Variants in RIMKLB observed in about 807,000 individuals in gnomAD.
RIMKLB encodes the protein beta-citrylglutamate synthase B.
Under a neutral mutation model 32.0 loss-of-function variants are expected in RIMKLB, and 7 were observed. The ratio of observed to expected loss-of-function variants is 0.22; its 90% CI spans 0.12 to 0.41. The LOEUF (loss-of-function observed/expected upper bound fraction) is 0.41, where lower values mean the gene tolerates loss of function less well. Among genes scored for constraint, RIMKLB ranks in the 10% least tolerant of loss-of-function variants. The pLI is 1.00. For missense variants in RIMKLB, 289 were observed against 498.7 expected (o/e 0.58, Z 4.00); for synonymous variants, 172 against 185.1 (o/e 0.93, Z 0.57).
At chr12:8,739,982 C>A (rs1465499143) in intron 2 of RIMKLB, among the ~76,000 whole-genome samples, 1 of 152,154 alleles carries the variant, frequency 6.6e-6, no homozygotes, top group Admixed American at 6.5e-5. Context: ...AATCTCAGCT[C>A]ACAGCAACCT....
At chr12:8,742,370 C>T (rs1488658743) in intron 2 of RIMKLB, 1 of 222,122 alleles carries the variant, frequency 4.5e-6, no homozygotes, top group Non-Finnish European at 8.8e-6. Flanking sequence ...TCTACGCTAC[C>T]TAGAGAGGGA....
At chr12:8,727,606 T>A (rs1946148635) in intron 2 of RIMKLB, among the ~76,000 whole-genome samples, 1 of 152,188 alleles carries the variant, frequency 6.6e-6, no homozygotes, top group African/African-American at 2.4e-5. Context: ...CAAATGCAGA[T>A]CAAACATCTA....
At chr12:8,758,994 T>G (rs1198597599) in intron 5 of RIMKLB, among the ~76,000 whole-genome samples, 1 of 152,220 alleles carries the variant, frequency 6.6e-6, no homozygotes, top group Non-Finnish European at 1.5e-5. Flanking sequence ...TTTACTATTG[T>G]GAGCAATAAT....
rs1474278282 is a variant in RIMKLB, at chr12:8,721,110, A to T, written c.175+7069A>T. The stretch of plus-strand genomic sequence containing the variant: ...TTAATTGTAATGTGTTTTGATGAAG[A>T]TCTCTTTATAGGCACACCTTGGAGA... On this transcript the variant is annotated intron_variant, in intron 2 of 5. Coordinates refer to ENST00000535829, the MANE Select transcript of RIMKLB (RefSeq NM_001297776.2). 2.0e-5 allele frequency among the ~76,000 whole-genome samples: 3 copies of T among 152,184 alleles called. No individual in the cohort carries two copies. In the East Asian group the frequency reaches 5.8e-4, roughly 29 times the overall value.
chr12:8,773,195 T>C (rs1950540719), intron 5 of RIMKLB, 126 bp from the exon 6 acceptor site: 1 of 666,546 alleles, frequency 1.5e-6, no homozygotes, highest in East Asian at 2.6e-5. Flanking sequence ...GTCCTAATTT[T>C]ACACTAGAAT....
intron 2 of RIMKLB, chr12:8,742,685 C>T: frequency 4.5e-6 from 1 of 223,386 alleles, no homozygotes; most frequent in Non-Finnish European, 8.9e-6. Flanking sequence ...TGCTGGCTGG[C>T]AGCCTGTGCT....
intron 4 of RIMKLB, among the ~76,000 whole-genome samples, chr12:8,752,527 G>A (rs141810702): frequency 6.6e-6 from 1 of 152,200 alleles, no homozygotes; most frequent in African/African-American, 2.4e-5. Flanking sequence ...ACTCCAACCT[G>A]GTCGATAGAG....
At chr12:8,726,587 T>C (rs974142291) in intron 2 of RIMKLB, among the ~76,000 whole-genome samples, 1 of 152,154 alleles carries the variant, frequency 6.6e-6, no homozygotes, top group Non-Finnish European at 1.5e-5. Flanking sequence ...ATCCATTTGC[T>C]TTTTTATTTT....
chr12:8,754,029 C>T lies in RIMKLB; in HGVS notation c.633C>T (p.Gly211=), dbSNP rs1419284733. Residue 211 remains glycine (G), a synonymous_variant, in exon 5 of 6, where the codon GGC becomes GGT. Coordinates refer to ENST00000535829, the MANE Select transcript of RIMKLB (RefSeq NM_001297776.2). ...ATGTACGTGTCATTGTCGTGGGAGG[C>T]CGTGTGGTTGGCACCATGTTACGTT... is the stretch of plus-strand genomic sequence containing the variant. ...GRDVRVIVVG[G]RVVGTMLRCS... The T allele has an allele frequency of 3.1e-6, 5 of 1,613,816 alleles. No individual in the cohort carries two copies. Among genetic ancestry groups the T allele is most frequent in the Middle Eastern group, 1.6e-4 (1 of 6,084 alleles).
Position 8,713,839 on chromosome 12 carries a change from C to G in RIMKLB, c.-28C>G. Reference sequence around the variant, plus strand: ...GACGTTACATCCAAGAGGAAATAATCCAGGCAAGGAAGCACAAGCTGATCA... The same window carrying G: ...GACGTTACATCCAAGAGGAAATAATGCAGGCAAGGAAGCACAAGCTGATCA... On this transcript the variant is annotated 5_prime_UTR_variant, in exon 2 of 6. In the 5' UTR this introduces an upstream ATG that the reference lacks. Transcript: ENST00000535829. The G allele has an allele frequency of 6.2e-7, 1 of 1,612,976 alleles. No individual in the cohort carries two copies. Among genetic ancestry groups the G allele is most frequent in the Non-Finnish European group, 8.5e-7 (1 of 1,179,174 alleles).
At chr12:8,692,030 C>T (rs1398094789) in intron 1 of RIMKLB, among the ~76,000 whole-genome samples, 3 of 151,804 alleles carry the variant, frequency 2.0e-5, no homozygotes, top group Admixed American at 6.6e-5. Context: ...ATACTTGATG[C>T]TTCCTCTATT....
chr12:8,699,296 T>G (rs1943176755), intron 1 of RIMKLB, among the ~76,000 whole-genome samples: 1 of 152,184 alleles, frequency 6.6e-6, no homozygotes, highest in Admixed American at 6.5e-5. Flanking sequence ...TTCATTATAT[T>G]TATGGGTGTT....
chr12:8,756,245 TGG>T (rs995705389), intron 5 of RIMKLB, among the ~76,000 whole-genome samples: 10 of 151,782 alleles, frequency 6.6e-5, no homozygotes, highest in African/African-American at 2.4e-4. Context: ...TGCTTGAGCC[TGG>T]GCGGTCGAGG....
At chr12:8,706,581 G>T (rs760245551) in intron 1 of RIMKLB, among the ~76,000 whole-genome samples, 14 of 151,472 alleles carry the variant, frequency 9.2e-5, no homozygotes, top group African/African-American at 3.4e-4. Flanking sequence ...CTCCTGAGTA[G>T]CTGGGACCAT....
intron 5 of RIMKLB, among the ~76,000 whole-genome samples, chr12:8,771,630 T>A (rs1404280803): frequency 6.6e-6 from 1 of 152,192 alleles, no homozygotes; most frequent in African/African-American, 2.4e-5. Context: ...CCAAATCTAC[T>A]CTCATTTTTT....
rs1204936266 is a variant in RIMKLB at position 8,776,358 on chromosome 12, A to G, written c.*2574A>G. 1.0e-6 allele frequency: 1 copy of G among 983,496 alleles called. No homozygotes were observed. The highest frequency in any genetic ancestry group is 1.7e-5 in the African/African-American group (1 of 57,210). The allele number at this position is 983,496 out of a possible 1,614,324, so 60.9% of individuals were successfully genotyped here. On this transcript the variant is annotated 3_prime_UTR_variant, in exon 6 of 6. Transcript: ENST00000535829. ...GAATTCCTTCAAGATTGAGGTAGAG[A>G]ATAAGAGCAAATCATTCTGGAAGTA...
chr12:8,753,315 A>G (rs1485206795), intron 4 of RIMKLB, among the ~76,000 whole-genome samples: 1 of 152,214 alleles, frequency 6.6e-6, no homozygotes, highest in African/African-American at 2.4e-5. Flanking sequence ...AGCAATCACA[A>G]GCCCTCCTAG....
At chr12:8,698,960 C>A (rs915963806) in intron 1 of RIMKLB, among the ~76,000 whole-genome samples, 122 of 151,848 alleles carry the variant, frequency 8.0e-4, no homozygotes, top group African/African-American at 2.7e-3. Context: ...TCACCCCCCC[C>A]CAAAAAAAAC....
At chr12:8,680,559 C>T (rs138739166), upstream of RIMKLB, among the ~76,000 whole-genome samples, 498 of 152,302 alleles carry the variant, frequency 3.3e-3, 2 homozygotes, top group African/African-American at 0.011. Flanking sequence ...TTCTTTTATT[C>T]CTTTACTTTC....
Sources: allele counts gnomAD v4.1 joint callset (sites outside exome capture counted in the v4.1 genomes callset), GRCh38; gene constraint gnomAD v4.1.1; transcripts MANE v1.5; gene names NCBI Gene and HGNC (gene_info 2026-07-23, HGNC 2026-07-21).